ERI3: variants seen among roughly 807,000 people sequenced by gnomAD.
The protein encoded by ERI3 is ERI1 exoribonuclease family member 3.
ERI3 carries 18 observed loss-of-function variants against 44.4 expected under a neutral mutation model. The observed-to-expected ratio is 0.41, with a 90% CI of 0.28 to 0.60. The LOEUF (loss-of-function observed/expected upper bound fraction) is 0.60, where lower values mean the gene tolerates loss of function less well. Ranked by LOEUF, ERI3 falls within the 20% of genes least tolerant of loss-of-function variation. The pLI, the probability that ERI3 is intolerant of heterozygous loss-of-function variation, is 0.36. For synonymous variants in ERI3, 183 were observed against 164.8 expected, an observed-to-expected ratio of 1.11 and a Z score of -0.84; for missense variants, 294 against 435.5, an observed-to-expected ratio of 0.68 and a Z score of 2.89.
At position 44,223,387 on chromosome 1, in the gene ERI3, G is replaced by C. The variant is rs952403939; in HGVS notation, c.932-1747C>G. Among the ~76,000 whole-genome samples, 15 of 152,206 alleles carry C rather than the reference G, an allele frequency of 9.9e-5. No individual in the cohort carries two copies. In the East Asian group the frequency reaches 2.3e-3, roughly 24 times the overall value. On this transcript the variant is annotated intron_variant, in intron 8 of 8. Transcript: ENST00000372257. ...GAATGGGACCGGAAGGGGCCTAAGA[G>C]GGGGAAGGGTTAGGATGGGGTCCAT... is the stretch of plus-strand genomic sequence containing the variant.
chr1:44,269,547 TA>T (rs1337169448), intron 7 of ERI3, among the ~76,000 whole-genome samples: 4 of 152,338 alleles, frequency 2.6e-5, no homozygotes, highest in African/African-American at 9.6e-5. Context: ...TGCACTTCTT[TA>T]AACACATACA....
At chr1:44,268,824 C>G (rs1035369600) in intron 7 of ERI3, among the ~76,000 whole-genome samples, 4 of 152,228 alleles carry the variant, frequency 2.6e-5, no homozygotes, top group Non-Finnish European at 5.9e-5. Flanking sequence ...TTAGGGTACT[C>G]AGAGGCCCCT....
intron 3 of ERI3, among the ~76,000 whole-genome samples, chr1:44,326,031 T>C (rs1646305340): frequency 6.6e-6 from 1 of 152,234 alleles, no homozygotes; most frequent in Admixed American, 6.5e-5. Context: ...TTCTATGTCC[T>C]ATCTGAAATA....
intron 5 of ERI3, among the ~76,000 whole-genome samples, chr1:44,312,451 C>G (rs1645993037): frequency 6.6e-6 from 1 of 152,106 alleles, no homozygotes; most frequent in Non-Finnish European, 1.5e-5. Flanking sequence ...AGACCAAGCA[C>G]TGCCCTTCCT....
chr1:44,223,234 TTTATGGGCCGGA>T (rs1312119956), intron 8 of ERI3, among the ~76,000 whole-genome samples: 6 of 151,934 alleles, frequency 3.9e-5, no homozygotes, highest in African/African-American at 1.2e-4. Flanking sequence ...ATCCCCATGG[TTTATGGGCCGGA>T]CACGCACCCC....
intron 2 of ERI3, among the ~76,000 whole-genome samples, chr1:44,347,879 TTGTGTGTGTG>T (rs113526509): frequency 2.0e-5 from 3 of 148,786 alleles, no homozygotes; most frequent in African/African-American, 5.0e-5. Context: ...GATTGTTTTG[TTGTGTGTGTG>T]TGTGTGTGTG....
intron 7 of ERI3, among the ~76,000 whole-genome samples, chr1:44,282,592 C>T (rs1231048815): frequency 1.3e-5 from 2 of 152,196 alleles, no homozygotes; most frequent in African/African-American, 4.8e-5. Flanking sequence ...TACCATGCCC[C>T]TGGGCCTCCA....
chr1:44,274,276 A>G (rs1375849828), intron 7 of ERI3, among the ~76,000 whole-genome samples: 1 of 152,198 alleles, frequency 6.6e-6, no homozygotes, highest in East Asian at 1.9e-4. Flanking sequence ...GTCCTGCAAT[A>G]TTGGCTTCAG....
intron 8 of ERI3, among the ~76,000 whole-genome samples, chr1:44,238,788 A>C (rs1644366536): frequency 1.3e-5 from 2 of 151,960 alleles, no homozygotes; most frequent in Non-Finnish European, 2.9e-5. Context: ...AGGAAAAGGA[A>C]GTGATCCCAC....
intron 8 of ERI3, among the ~76,000 whole-genome samples, chr1:44,234,903 C>T (rs759851586): frequency 1.2e-4 from 18 of 152,132 alleles, no homozygotes; most frequent in South Asian, 1.0e-3. Flanking sequence ...CCACCATACC[C>T]GGCCTAAGAG....
intron 7 of ERI3, among the ~76,000 whole-genome samples, chr1:44,249,313 T>C (rs1176897107): frequency 6.6e-6 from 1 of 151,920 alleles, no homozygotes; most frequent in Non-Finnish European, 1.5e-5. Context: ...CAGCTGTGAG[T>C]AGATGAGCAC....
chr1:44,245,304 A>G (rs1469598363), intron 8 of ERI3, among the ~76,000 whole-genome samples: 1 of 151,690 alleles, frequency 6.6e-6, no homozygotes, highest in Non-Finnish European at 1.5e-5. Flanking sequence ...AAGCACCCTC[A>G]CCCACACCTC....
chr1:44,281,267 T>C (rs1221776583), intron 7 of ERI3, among the ~76,000 whole-genome samples: 3 of 152,126 alleles, frequency 2.0e-5, no homozygotes, highest in Non-Finnish European at 2.9e-5. Flanking sequence ...CCTCACACAG[T>C]ACCTGGCACA....
At chr1:44,339,006 C>A (rs372169517) in intron 3 of ERI3, 39 bp downstream of exon 3, 4 of 1,584,704 alleles carry the variant, frequency 2.5e-6, no homozygotes, top group Non-Finnish European at 3.4e-6. Context: ...TCCCTCCTTG[C>A]CCCCCCCACC....
chr1:44,311,557 A>G (rs758331660), intron 5 of ERI3, among the ~76,000 whole-genome samples: 4 of 152,174 alleles, frequency 2.6e-5, no homozygotes, highest in Non-Finnish European at 5.9e-5. Context: ...GGTGAGACCC[A>G]GAATTCTTTA....
intron 2 of ERI3, among the ~76,000 whole-genome samples, chr1:44,349,418 C>A (rs914858595): frequency 1.3e-5 from 2 of 152,202 alleles, no homozygotes; most frequent in African/African-American, 2.4e-5. Context: ...GCCTTGACCT[C>A]CCAAAGTGTT....
intron 7 of ERI3, among the ~76,000 whole-genome samples, chr1:44,250,476 G>C (rs140518295): frequency 1.3e-3 from 191 of 152,326 alleles, no homozygotes; most frequent in African/African-American, 4.1e-3. Flanking sequence ...GGACAGCAGA[G>C]CCCCAGGAGG....
chr1:44,286,559 C>G (rs1042597225), intron 6 of ERI3, among the ~76,000 whole-genome samples: 1 of 151,998 alleles, frequency 6.6e-6, no homozygotes, highest in Non-Finnish European at 1.5e-5. Flanking sequence ...CAGAATAGAG[C>G]GAGGTGAGCA....
At chr1:44,257,520 C>G (rs1266914497) in intron 7 of ERI3, among the ~76,000 whole-genome samples, 1 of 152,224 alleles carries the variant, frequency 6.6e-6, no homozygotes, top group Non-Finnish European at 1.5e-5. Flanking sequence ...AGAAGCCAAA[C>G]AGAGAGGCCC....
Sources: gnomAD v4.1 joint callset for allele counts (sites outside exome capture counted in the v4.1 genomes callset) on GRCh38, gnomAD v4.1.1 for gene constraint, MANE v1.5 for transcripts, NCBI Gene and HGNC (gene_info 2026-07-23, HGNC 2026-07-21) for gene names.